Variants in SCN8A observed in about 807,000 individuals in gnomAD.
SCN8A encodes sodium voltage-gated channel alpha subunit 8, also known as sodium channel protein type 8 subunit alpha.
Under a neutral mutation model 184.1 loss-of-function variants are expected in SCN8A, and 30 were observed. That is an observed-to-expected ratio of 0.16 (90% confidence interval 0.12 to 0.22). SCN8A has a LOEUF of 0.22. Ranked by LOEUF, SCN8A falls within the 10% of genes least tolerant of loss-of-function variation. SCN8A has a pLI of 1.00. For synonymous variants in SCN8A, 852 were observed against 907.0 expected (o/e 0.94, Z 1.09); for missense variants, 1,057 against 2,498.9 (o/e 0.42, Z 12.30).
At chr12:51,697,038 C>CAAAAAA (rs567183376) in intron 6 of SCN8A, among the ~76,000 whole-genome samples, 1 of 124,346 alleles carries the variant, frequency 8.0e-6, no homozygotes. Flanking sequence ...GAATCCGACT[C>CAAAAAA]AAAAAAAAAA....
chr12:51,697,579 A>C lies in SCN8A; in HGVS notation c.707-1991A>C, dbSNP rs531599814. On this transcript the variant is annotated intron_variant, in intron 6 of 26. Coordinates refer to ENST00000627620, the MANE Select transcript of SCN8A (RefSeq NM_001330260.2). ...CCATTATATGAGGTTAGCCCTGAGC[A>C]GTGCCATTTTCCCAATCATGTCCCT... Among the ~76,000 whole-genome samples the C allele has an allele frequency of 6.6e-5, 10 of 152,338 alleles. No individual in the cohort carries two copies. In the South Asian group the frequency reaches 2.1e-3, roughly 32 times the overall value.
intron 11 of SCN8A, among the ~76,000 whole-genome samples, chr12:51,710,476 G>A (rs571855332): frequency 2.6e-5 from 4 of 152,206 alleles, no homozygotes; most frequent in African/African-American, 9.6e-5. Context: ...ACCACCCTGG[G>A]CAACATAGAG....
rs113432380 is a variant in SCN8A at position 51,733,343 on chromosome 12, T to C, written c.1998+11435T>C. On this transcript the variant is annotated intron_variant, in intron 12 of 26. Coordinates refer to ENST00000627620, the MANE Select transcript of SCN8A (RefSeq NM_001330260.2). ...GTTTTTGTTGTTTATTCTGTTGATA[T>C]GATGTATCACACTGATTGATTTGCA... 1.6e-3 allele frequency among the ~76,000 whole-genome samples: 241 copies of C among 152,356 alleles called. 1 individual carries two copies. Among genetic ancestry groups the C allele is most frequent in the Non-Finnish European group, 2.4e-3 (163 of 68,030 alleles).
At chr12:51,706,125 A>T (rs1941779149) in intron 10 of SCN8A, among the ~76,000 whole-genome samples, 1 of 152,216 alleles carries the variant, frequency 6.6e-6, no homozygotes, top group African/African-American at 2.4e-5. Context: ...ATATAATGTT[A>T]CTTAGCATTC....
At position 51,774,304 on chromosome 12, in the gene SCN8A, A is replaced by G. The variant is rs1199744177; in HGVS notation, c.3761A>G (p.Tyr1254Cys). ...GAGATGTTGCTCAAGTGGACAGCCT[A>G]TGGCTTCGTCAAGTTCTTCACCAAT... is the stretch of plus-strand genomic sequence containing the variant. Reference protein sequence around the residue: ...ILEMLLKWTAYGFVKFFTNAW... With the variant: ...ILEMLLKWTACGFVKFFTNAW... Residue 1254 changes from tyrosine (Y) to cysteine (C), a missense_variant, in exon 20 of 27, where the codon TAT (tyrosine) becomes TGT (cysteine). By Grantham distance (194) the Tyr-to-Cys change is radical (BLOSUM62 -2). Around this residue, in one of 19 missense-constraint regions of SCN8A, gnomAD observed 43 missense variants for 118.4 expected, o/e 0.36. Transcript: ENST00000627620. 6.2e-7 allele frequency: 1 copy of G among 1,613,768 alleles called. No homozygotes were observed. The highest frequency in any genetic ancestry group is 8.5e-7 in the Non-Finnish European group (1 of 1,179,868).
chr12:51,720,772 TTC>T (rs986496858), intron 11 of SCN8A, among the ~76,000 whole-genome samples: 46 of 152,172 alleles, frequency 3.0e-4, no homozygotes, highest in African/African-American at 9.9e-4. Context: ...ACGTTTTAAA[TTC>T]TGTCTTTTTG....
chr12:51,636,039 G>T (rs1169384645), intron 1 of SCN8A, among the ~76,000 whole-genome samples: 1 of 152,190 alleles, frequency 6.6e-6, no homozygotes, highest in African/African-American at 2.4e-5. Context: ...CTGTCGCCCA[G>T]GCTGGAGTGC....
chr12:51,593,219 G>T (rs909853565), intron 1 of SCN8A, among the ~76,000 whole-genome samples: 1 of 152,150 alleles, frequency 6.6e-6, no homozygotes, highest in Non-Finnish European at 1.5e-5. Flanking sequence ...TGTTCAGCAC[G>T]CATTCCCTGT....
intron 11 of SCN8A, chr12:51,712,487 C>A: frequency 1.3e-6 from 1 of 769,370 alleles, no homozygotes. Context: ...ACTATATCCA[C>A]CACTTCCACC....
intron 2 of SCN8A, among the ~76,000 whole-genome samples, chr12:51,668,288 A>G (rs911628451): frequency 1.6e-4 from 24 of 152,194 alleles, no homozygotes; most frequent in African/African-American, 5.8e-4. Context: ...TTAGAATAAT[A>G]GAAAATTATA....
intron 2 of SCN8A, among the ~76,000 whole-genome samples, chr12:51,671,927 C>G (rs532773680): frequency 6.6e-6 from 1 of 152,222 alleles, no homozygotes; most frequent in South Asian, 2.1e-4. Context: ...CCTATGGAAC[C>G]AAGTTGGAAT....
chr12:51,699,313 T>A (rs987380809), intron 6 of SCN8A, among the ~76,000 whole-genome samples: 4 of 152,208 alleles, frequency 2.6e-5, no homozygotes, highest in African/African-American at 9.6e-5. Context: ...GGGAAAGTGT[T>A]CCCAGGAAGA....
At chr12:51,593,263 C>T (rs1217795226) in intron 1 of SCN8A, among the ~76,000 whole-genome samples, 2 of 152,124 alleles carry the variant, frequency 1.3e-5, no homozygotes, top group African/African-American at 2.4e-5. Flanking sequence ...GAGAGGGCTG[C>T]AAGCATGTTC....
intron 25 of SCN8A, 60 bp from the exon 26 acceptor site, chr12:51,794,311 A>T: frequency 6.5e-7 from 1 of 1,539,480 alleles, no homozygotes; most frequent in Non-Finnish European, 8.8e-7. Flanking sequence ...GACAGCTTCC[A>T]TAGGTTGGCT....
At chr12:51,623,328 G>A (rs1940004020) in intron 1 of SCN8A, among the ~76,000 whole-genome samples, 1 of 152,122 alleles carries the variant, frequency 6.6e-6, no homozygotes, top group Admixed American at 6.5e-5. Context: ...AGCTAAACGT[G>A]GATTTGCACT....
At chr12:51,593,742 G>A (rs1162590891) in intron 1 of SCN8A, among the ~76,000 whole-genome samples, 1 of 152,140 alleles carries the variant, frequency 6.6e-6, no homozygotes, top group East Asian at 1.9e-4. Context: ...TACATGCGCA[G>A]CTGGGTTTGT....
intron 1 of SCN8A, among the ~76,000 whole-genome samples, chr12:51,630,803 A>G (rs1404073965): frequency 2.6e-5 from 4 of 152,012 alleles, no homozygotes; most frequent in Non-Finnish European, 5.9e-5. Flanking sequence ...TTTTCCTGCC[A>G]ATTCAAGTCC....
chr12:51,652,932 G>A (rs1325942653), intron 1 of SCN8A, among the ~76,000 whole-genome samples: 1 of 152,158 alleles, frequency 6.6e-6, no homozygotes, highest in Non-Finnish European at 1.5e-5. Context: ...TATCATTTAT[G>A]GCATATGTTG....
chr12:51,709,635 G>T lies in SCN8A; in HGVS notation c.1635+2920G>T, dbSNP rs76925612. ...CCAGAGTAAGGAAGGATGCCATGTT[G>T]AGTGGGGAGTGGAGACAATGAGTAT... is the stretch of plus-strand genomic sequence containing the variant. On this transcript the variant is annotated intron_variant, in intron 11 of 26. Coordinates refer to ENST00000627620, the MANE Select transcript of SCN8A (RefSeq NM_001330260.2). Among the ~76,000 whole-genome samples, 255 of 152,274 alleles carry T rather than the reference G, an allele frequency of 1.7e-3. 5 individuals carry two copies. In the East Asian group the frequency reaches 0.045, roughly 27 times the overall value.
Sources: gnomAD v4.1 joint callset for allele counts (sites outside exome capture counted in the v4.1 genomes callset) on GRCh38, gnomAD v4.1.1 for gene constraint, gnomAD v4.1.1 regional missense constraint, MANE v1.5 for transcripts, NCBI Gene and HGNC (gene_info 2026-07-23, HGNC 2026-07-21) for gene names.